TLL1: variants seen among roughly 807,000 people sequenced by gnomAD.
TLL1 encodes tolloid like 1.
TLL1 carries 49 observed loss-of-function variants against 128.2 expected under a neutral mutation model. That is an observed-to-expected ratio of 0.38 (90% CI 0.30 to 0.48). TLL1 has a LOEUF of 0.48. Ranked by LOEUF, TLL1 falls within the 20% of genes least tolerant of loss-of-function variation. The pLI, the probability that TLL1 is intolerant of heterozygous loss-of-function variation, is 0.96. For missense variants in TLL1, 1,123 were observed against 1,242.0 expected (o/e 0.90, Z 1.44); for synonymous variants, 454 against 418.8 (o/e 1.08, Z -1.03).
At chr4:165,976,034 CAAAAA>C (rs1169297533) in intron 1 of TLL1, among the ~76,000 whole-genome samples, 1,681 of 72,094 alleles carry the variant, frequency 0.023, 32 homozygotes, top group African/African-American at 0.076. Flanking sequence ...GATTCCATCT[CAAAAA>C]AAAAAAAAAA....
chr4:165,960,651 G>A (rs1303201244), intron 1 of TLL1, among the ~76,000 whole-genome samples: 1 of 152,152 alleles, frequency 6.6e-6, no homozygotes, highest in East Asian at 1.9e-4. Flanking sequence ...ATGCAAGGTT[G>A]TTTCGACATT....
intron 1 of TLL1, among the ~76,000 whole-genome samples, chr4:165,902,493 C>T (rs1469922872): frequency 6.6e-6 from 1 of 152,098 alleles, no homozygotes; most frequent in Non-Finnish European, 1.5e-5. Flanking sequence ...TGCACCGTTC[C>T]TCACCTCATG....
chr4:165,907,084 T>G (rs1304699744), intron 1 of TLL1, among the ~76,000 whole-genome samples: 1 of 152,208 alleles, frequency 6.6e-6, no homozygotes, highest in East Asian at 1.9e-4. Flanking sequence ...TTTGTGTTTT[T>G]GACATACATA....
Position 166,065,807 on chromosome 4 carries a change from A to T in TLL1, c.2132A>T (p.Glu711Val). ...ITSQFNNMRI[E>V]FKSDNTVSKK... is the part of the protein sequence containing the mutation. ...TCCCAGTTCAACAATATGAGAATTG[A>T]ATTCAAATCTGACAATACTGTATCC... The change falls in exon 16 of 21, where the codon GAA becomes GTA. Residue 711 changes from glutamate to valine, a missense_variant. By Grantham distance (121) the Glu-to-Val change is moderately radical. Coordinates refer to ENST00000061240, the MANE Select transcript of TLL1 (RefSeq NM_012464.5). The T allele has an allele frequency of 6.2e-7, 1 of 1,613,040 alleles. No homozygotes were observed. Among genetic ancestry groups the T allele is most frequent in the South Asian group, 1.1e-5 (1 of 91,066 alleles).
At chr4:165,915,570 T>C (rs1248642749) in intron 1 of TLL1, among the ~76,000 whole-genome samples, 1 of 152,190 alleles carries the variant, frequency 6.6e-6, no homozygotes, top group Non-Finnish European at 1.5e-5. Context: ...TCCCTCAGTG[T>C]TACCAACCAG....
intron 9 of TLL1, among the ~76,000 whole-genome samples, chr4:166,037,813 TA>T (rs78861420): frequency 7.3e-4 from 105 of 143,990 alleles, no homozygotes; most frequent in East Asian, 1.6e-3. Context: ...TGTCTCCAAT[TA>T]AAAAAAAAAA....
chr4:165,907,326 ACATTGAATCCAAATAGCCTGTT>A (rs1316376116), intron 1 of TLL1, among the ~76,000 whole-genome samples: 2 of 152,326 alleles, frequency 1.3e-5, no homozygotes, highest in East Asian at 3.9e-4. Context: ...TCATCATGAT[ACATTGAATCCAAATAGCCTGTT>A]CATTGAATCC....
At chr4:165,896,479 CTTTTTTTTT>C (rs70955648) in intron 1 of TLL1, among the ~76,000 whole-genome samples, 1 of 102,162 alleles carries the variant, frequency 9.8e-6, no homozygotes, top group African/African-American at 3.6e-5. Context: ...AATGGTATTT[CTTTTTTTTT>C]TTTTTTTTTT....
intron 1 of TLL1, among the ~76,000 whole-genome samples, chr4:165,948,925 G>A (rs531125591): frequency 6.6e-6 from 1 of 152,156 alleles, no homozygotes; most frequent in Admixed American, 6.5e-5. Context: ...ATTTCCTCAG[G>A]CTTCCTCTCT....
chr4:165,996,548 G>A (rs939396498), intron 5 of TLL1, among the ~76,000 whole-genome samples: 2 of 152,032 alleles, frequency 1.3e-5, no homozygotes, highest in African/African-American at 4.8e-5. Flanking sequence ...GCAGTGAGCC[G>A]AGATTACGCC....
Position 166,055,151 on chromosome 4 carries a change from G to A in TLL1, c.1600G>A (p.Gly534Arg). 1 of 1,613,410 alleles carries A rather than the reference G, an allele frequency of 6.2e-7. No homozygotes were observed. The highest frequency in any genetic ancestry group is 8.5e-7 in the Non-Finnish European group (1 of 1,179,640). ...DGTSENSPLI[G>R]RFCGYDKPED... ...AACCAGTGAAAATAGCCCTTTGATA[G>A]GGCGTTTCTGTGGTTATGACAAACC... Residue 534 changes from glycine (G) to arginine (R), a missense_variant, in exon 13 of 21, where the codon GGG becomes AGG. By Grantham distance (125) the Gly-to-Arg change is moderately radical. This residue lies in a region of TLL1 where 634 missense variants were observed against 672.4 expected (regional missense o/e 0.94). Coordinates refer to ENST00000061240, the MANE Select transcript of TLL1 (RefSeq NM_012464.5).
Position 166,074,985 on chromosome 4 carries a change from A to G in TLL1, c.2296A>G (p.Lys766Glu). 1.2e-6 allele frequency: 2 copies of G among 1,613,612 alleles called. No individual in the cohort carries two copies. Among genetic ancestry groups the G allele is most frequent in the Middle Eastern group, 1.7e-4 (1 of 6,056 alleles). ...TAATGGATTTGTGCTACATGACAAT[A>G]AACATGATTGCAAGGAAGGTATGGA... ...CRNGFVLHDN[K>E]HDCKEAECEQ... is the part of the protein sequence containing the mutation. Residue 766 changes from lysine to glutamate, a missense_variant, in exon 17 of 21, where the codon AAA (lysine) becomes GAA (glutamate). This residue lies in a region of TLL1 where 634 missense variants were observed against 672.4 expected (regional missense o/e 0.94). Coordinates refer to ENST00000061240, the MANE Select transcript of TLL1 (RefSeq NM_012464.5).
intron 16 of TLL1, among the ~76,000 whole-genome samples, chr4:166,073,722 C>A (rs1740896828): frequency 6.6e-6 from 1 of 152,140 alleles, no homozygotes; most frequent in South Asian, 2.1e-4. Context: ...AATAGATGTA[C>A]CTTTAAAAAG....
Position 165,989,456 on chromosome 4 carries a change from C to A in TLL1, c.245C>A (p.Thr82Lys). 6.2e-7 allele frequency: 1 copy of A among 1,612,746 alleles called. No homozygotes were observed. The highest frequency in any genetic ancestry group is 1.3e-5 in the African/African-American group (1 of 74,890). Reference protein sequence around the residue: ...IFQIDRTIDLTQNPFGNLGHT... With the variant: ...IFQIDRTIDLKQNPFGNLGHT... ...CAAATAGATAGGACAATTGACCTTA[C>A]GCAGAACCCCTTTGGAAACCTTGGA... Residue 82 changes from threonine (T) to lysine (K), a missense_variant, in exon 2 of 21, where the codon ACG becomes AAG. By Grantham distance (78) the Thr-to-Lys change is moderately conservative. Transcript: ENST00000061240.
Position 165,945,348 on chromosome 4 carries a change from T to C in TLL1, c.170-44033T>C, listed in dbSNP as rs117035021. On this transcript the variant is annotated intron_variant, in intron 1 of 20. Transcript: ENST00000061240. ...TTAGCAGATAATGGTATAGAAGTAT[T>C]AGGGACACTTGGGATCAGGGGATGA... Among the ~76,000 whole-genome samples, 278 of 152,218 alleles carry C rather than the reference T, an allele frequency of 1.8e-3. 8 individuals carry two copies. In the East Asian group the frequency reaches 0.046, roughly 25 times the overall value.
chr4:166,062,318 A>C (rs1009784545), intron 15 of TLL1, among the ~76,000 whole-genome samples: 2 of 152,088 alleles, frequency 1.3e-5, no homozygotes, highest in Admixed American at 6.6e-5. Flanking sequence ...CAGTATAGCC[A>C]TTTTCACAAT....
At position 166,054,880 on chromosome 4, in the gene TLL1, CCTGT is replaced by C. The variant is rs143745191; in HGVS notation, c.1525-193_1525-190del. 7.5e-3 allele frequency among the ~76,000 whole-genome samples: 1,137 copies of C among 151,904 alleles called. 14 individuals are homozygous for C. The highest frequency in any genetic ancestry group is 0.026 in the African/African-American group (1,093 of 41,398). ...GTTTCATAGTTATTTTTTATCCTTCCCTGTCTACCAGAATAACATCCTTTGTTCA... is the reference window on the plus strand; with the variant it reads ...GTTTCATAGTTATTTTTTATCCTTCCCTACCAGAATAACATCCTTTGTTCA... On this transcript the variant is annotated intron_variant, in intron 12 of 20. Transcript: ENST00000061240.
intron 1 of TLL1, among the ~76,000 whole-genome samples, chr4:165,952,601 G>A (rs1393555679): frequency 6.6e-6 from 1 of 151,958 alleles, no homozygotes; most frequent in Non-Finnish European, 1.5e-5. Flanking sequence ...TCAAAGTTTT[G>A]AAAATATAAA....
rs148391477 is a variant in TLL1 at position 165,936,191 on chromosome 4, C to CAT, written c.170-53175_170-53174dup. 4.2e-3 allele frequency among the ~76,000 whole-genome samples: 567 copies of CAT among 134,114 alleles called. 2 individuals carry two copies. The highest frequency in any genetic ancestry group is 0.014 in the African/African-American group (465 of 32,578). 88.0% of individuals were successfully genotyped at this position (134,114 alleles called of 152,430 possible). ...AAATAATTAGAAATTCATTTTGCTT[C>CAT]ATATATATATATATATTTTTTTTTC... On this transcript the variant is annotated intron_variant, in intron 1 of 20. Coordinates refer to ENST00000061240, the MANE Select transcript of TLL1 (RefSeq NM_012464.5).
Sources: gnomAD v4.1 joint callset for allele counts (sites outside exome capture counted in the v4.1 genomes callset) on GRCh38, gnomAD v4.1.1 for gene constraint, gnomAD v4.1.1 regional missense constraint, MANE v1.5 for transcripts, NCBI Gene and HGNC (gene_info 2026-07-23, HGNC 2026-07-21) for gene names.